CUL5: variants seen among roughly 807,000 people sequenced by gnomAD.
The protein encoded by CUL5 is cullin-5.
In CUL5, 26 loss-of-function variants were observed where a neutral mutation model predicts 108.8. That is an observed-to-expected ratio of 0.24 (90% CI 0.18 to 0.33). The LOEUF (loss-of-function observed/expected upper bound fraction) is 0.33. CUL5 is among the 10% of genes least tolerant of loss of function. CUL5 has a pLI of 1.00. For missense variants in CUL5, 524 were observed against 909.2 expected, an observed-to-expected ratio of 0.58 and a Z score of 5.45; for synonymous variants, 334 against 298.0, an observed-to-expected ratio of 1.12 and a Z score of -1.25.
rs755176411 is a variant in CUL5 at position 108,054,708 on chromosome 11, A to G, written c.615A>G (p.Ala205=). Residue 205 remains alanine, a synonymous_variant, in exon 6 of 19, where the codon GCA becomes GCG. Coordinates refer to ENST00000393094, the MANE Select transcript of CUL5 (RefSeq NM_003478.6). ...LQIYRDNFEK[A]YLDSTERFYR... ...TTTATAGGGACAATTTTGAGAAGGC[A>G]TACTTGGATTCAACAGAGAGATTTT... The G allele has an allele frequency of 2.9e-5, 47 of 1,609,396 alleles. No individual in the cohort carries two copies. The highest frequency in any genetic ancestry group is 4.0e-5 in the African/African-American group (3 of 74,852).
chr11:108,020,831 G>A (rs1441392102), intron 1 of CUL5, among the ~76,000 whole-genome samples: 5 of 152,184 alleles, frequency 3.3e-5, no homozygotes, highest in Non-Finnish European at 4.4e-5. Context: ...CATAGCCTAA[G>A]TGTTTATAAA....
At chr11:108,062,205 A>C (rs948053533) in intron 7 of CUL5, among the ~76,000 whole-genome samples, 1 of 147,996 alleles carries the variant, frequency 6.8e-6, no homozygotes, top group Non-Finnish European at 1.5e-5. Context: ...GCTTTCTGGA[A>C]TATCCTTAAA....
In CUL5 at chr11:108,079,567, G is replaced by T. The variant is rs141414443; in HGVS notation, c.1178+1327G>T. Among the ~76,000 whole-genome samples, 846 of 152,274 alleles carry T rather than the reference G, an allele frequency of 5.6e-3. 9 individuals are homozygous for T. Among genetic ancestry groups the T allele is most frequent in the African/African-American group, 0.019 (803 of 41,558 alleles). On this transcript the variant is annotated intron_variant, in intron 11 of 18. Transcript: ENST00000393094. The stretch of plus-strand genomic sequence containing the variant: ...TAACCTTTAGTCCCTAAACACTTCA[G>T]CATACAGTCATTTATTGAATTTAAT...
At chr11:108,012,578 C>T (rs1241724159) in intron 1 of CUL5, among the ~76,000 whole-genome samples, 1 of 142,006 alleles carries the variant, frequency 7.0e-6, no homozygotes, top group African/African-American at 2.6e-5. Flanking sequence ...TAAGAAAGTT[C>T]ATATGTCGCG....
chr11:108,009,731 T>C (rs1862014986), intron 1 of CUL5, among the ~76,000 whole-genome samples: 1 of 152,172 alleles, frequency 6.6e-6, no homozygotes, highest in Non-Finnish European at 1.5e-5. Context: ...TAAAGCAATG[T>C]CTAAGACGCA....
rs1217399914 is a variant in CUL5, at chr11:108,055,638, C to CT, written c.780+693dup. On this transcript the variant is annotated intron_variant, in intron 7 of 18. Coordinates refer to ENST00000393094, the MANE Select transcript of CUL5 (RefSeq NM_003478.6). ...AAATATATATATATATATACTTTAT[C>CT]TTTTTTTTTTGAGACAAGGGCTCTC... Among the ~76,000 whole-genome samples the CT allele has an allele frequency of 1.1e-3, 164 of 145,304 alleles. 1 individual carries two copies. The highest frequency in any genetic ancestry group is 2.7e-3 in the African/African-American group (108 of 39,646).
intron 11 of CUL5, among the ~76,000 whole-genome samples, chr11:108,082,713 C>CA (rs1263376755): frequency 2.0e-5 from 3 of 151,964 alleles, no homozygotes; most frequent in Non-Finnish European, 4.4e-5. Flanking sequence ...GGCATGATCA[C>CA]AGCTCACTGC....
chr11:108,069,010 A>G (rs1027718365), intron 7 of CUL5, among the ~76,000 whole-genome samples: 2 of 152,152 alleles, frequency 1.3e-5, no homozygotes, highest in African/African-American at 2.4e-5. Context: ...GTAATCCCAC[A>G]CTTTGGGAGA....
rs377067253 is a variant in CUL5 at position 108,098,057 on chromosome 11, C to CGTTTTT, written c.2024+326_2025-321dup. ...AAGCGTTTTTTGTGTTGTTTTGTTT[C>CGTTTTT]GTTTTTGTTTTTGTTTTTGTTTTTG... On this transcript the variant is annotated intron_variant, in intron 17 of 18. Transcript: ENST00000393094. Among the ~76,000 whole-genome samples, 1,079 of 151,924 alleles carry CGTTTTT rather than the reference C, an allele frequency of 7.1e-3. 15 individuals are homozygous for CGTTTTT. Among genetic ancestry groups the CGTTTTT allele is most frequent in the African/African-American group, 0.024 (980 of 41,450 alleles).
rs955117116 is a variant in CUL5, at chr11:108,090,017, G to A, written c.1443+394G>A. Among the ~76,000 whole-genome samples, 19 of 145,494 alleles carry A rather than the reference G, an allele frequency of 1.3e-4. No homozygotes were observed. In the South Asian group the frequency reaches 2.4e-3, roughly 18 times the overall value. The stretch of plus-strand genomic sequence containing the variant: ...ATCGTGCCATTGCACTCCAGCCTGG[G>A]TAACAGAGTGGGACTCCATTTCAAA... On this transcript the variant is annotated intron_variant, in intron 13 of 18. Coordinates refer to ENST00000393094, the MANE Select transcript of CUL5 (RefSeq NM_003478.6).
chr11:108,082,163 G>T (rs1295261845), intron 11 of CUL5, among the ~76,000 whole-genome samples: 3 of 151,776 alleles, frequency 2.0e-5, no homozygotes, highest in Non-Finnish European at 4.4e-5. Flanking sequence ...TTTATTCCTT[G>T]GTATTTTCTT....
At chr11:108,073,236 G>A (rs1863867894) in intron 9 of CUL5, among the ~76,000 whole-genome samples, 154 bp from the exon 10 acceptor site, 1 of 151,182 alleles carries the variant, frequency 6.6e-6, no homozygotes, top group Non-Finnish European at 1.5e-5. Flanking sequence ...AAAAGAAGTG[G>A]CAAAACAGTA....
At chr11:108,018,484 TG>T (rs1348403703) in intron 1 of CUL5, among the ~76,000 whole-genome samples, 17 of 151,444 alleles carry the variant, frequency 1.1e-4, no homozygotes, top group African/African-American at 4.1e-4. Context: ...CTGGCCAACA[TG>T]GTGAAACCCC....
chr11:108,059,437 G>A (rs1041302425), intron 7 of CUL5, among the ~76,000 whole-genome samples: 5 of 152,110 alleles, frequency 3.3e-5, no homozygotes, highest in African/African-American at 1.2e-4. Context: ...AGAATGACCA[G>A]GGCACCGATA....
intron 7 of CUL5, among the ~76,000 whole-genome samples, chr11:108,069,598 ATT>A (rs1246618418): frequency 6.6e-6 from 1 of 152,038 alleles, no homozygotes; most frequent in Non-Finnish European, 1.5e-5. Flanking sequence ...ACTGAGTTAT[ATT>A]TAGTTAGCAG....
Position 108,070,113 on chromosome 11 carries a change from A to G in CUL5, c.798A>G (p.Val266=), listed in dbSNP as rs909410485. The change falls in exon 8 of 19, where the codon GTA becomes GTG. Residue 266 remains valine (V), a synonymous_variant. Transcript: ENST00000393094. ...NSVEALMECC[V]NALVTSFKET... ...TATTTCAGCTCATGGAATGCTGTGT[A>G]AATGCCCTGGTGACATCATTTAAAG... is the stretch of plus-strand genomic sequence containing the variant. 3 of 1,610,252 alleles carry G rather than the reference A, an allele frequency of 1.9e-6. No homozygotes were observed. The highest frequency in any genetic ancestry group is 2.5e-6 in the Non-Finnish European group (3 of 1,177,410).
chr11:108,066,985 T>G (rs1863700336), intron 7 of CUL5, among the ~76,000 whole-genome samples: 1 of 152,232 alleles, frequency 6.6e-6, no homozygotes, highest in Non-Finnish European at 1.5e-5. Flanking sequence ...TCTGAGCATG[T>G]AGCCATCACT....
In CUL5 at chr11:108,019,665, A is replaced by T. The variant is rs142478764; in HGVS notation, c.24+10293A>T. 2.8e-3 allele frequency among the ~76,000 whole-genome samples: 422 copies of T among 152,320 alleles called. 1 individual carries two copies. Among genetic ancestry groups the T allele is most frequent in the Admixed American group, 5.3e-3 (81 of 15,298 alleles). On this transcript the variant is annotated intron_variant, in intron 1 of 18. Transcript: ENST00000393094. ...AAAACTATTGTGCTGTCACTCTTAT[A>T]AAAGTCTAGCACATATAATTGTATA... is the stretch of plus-strand genomic sequence containing the variant.
At chr11:108,034,372 C>G (rs1218696422) in intron 2 of CUL5, among the ~76,000 whole-genome samples, 1 of 152,082 alleles carries the variant, frequency 6.6e-6, no homozygotes, top group African/African-American at 2.4e-5. Context: ...CAACATGTAC[C>G]AAAATCAGTG....
Sources: allele counts gnomAD v4.1 joint callset (sites outside exome capture counted in the v4.1 genomes callset), GRCh38; gene constraint gnomAD v4.1.1; transcripts MANE v1.5; gene names NCBI Gene and HGNC (gene_info 2026-07-23, HGNC 2026-07-21).